CPB2: variants seen among roughly 807,000 people sequenced by gnomAD.
CPB2 encodes the protein carboxypeptidase B2, also known as carboxypeptidase B-like protein.
A neutral mutation model predicts 57.0 loss-of-function variants in CPB2; 54 were observed. The ratio of observed to expected loss-of-function variants is 0.95; its 90% CI spans 0.76 to 1.19. CPB2 has a LOEUF of 1.19. Among genes scored for constraint, CPB2 ranks in the 50% most tolerant of loss-of-function variants. CPB2 has a pLI of 0.00. For missense variants in CPB2, 426 were observed against 512.0 expected, an observed-to-expected ratio of 0.83 and a Z score of 1.62; for synonymous variants, 189 against 178.1, an observed-to-expected ratio of 1.06 and a Z score of -0.49.
chr13:46,070,092 A>G (rs892924766), intron 6 of CPB2, among the ~76,000 whole-genome samples: 1 of 152,242 alleles, frequency 6.6e-6, no homozygotes, highest in Non-Finnish European at 1.5e-5. Flanking sequence ...CATATTCAGT[A>G]GAAACCATAC....
chr13:46,076,876 T>C (rs2045030449), intron 5 of CPB2, among the ~76,000 whole-genome samples: 1 of 152,118 alleles, frequency 6.6e-6, no homozygotes, highest in Non-Finnish European at 1.5e-5. Flanking sequence ...GGAAAAATTT[T>C]ATTCATAAAA....
chr13:46,092,049 TG>T (rs2045301056), intron 1 of CPB2, among the ~76,000 whole-genome samples: 1 of 152,246 alleles, frequency 6.6e-6, no homozygotes, highest in Non-Finnish European at 1.5e-5. Context: ...TTTTTTTAAC[TG>T]AACGAGATTT....
chr13:46,101,196 A>C (rs560770194), intron 1 of CPB2: 2 of 152,304 alleles, frequency 1.3e-5, no homozygotes, highest in East Asian at 3.9e-4. Context: ...CTCACCTGTA[A>C]CTACTCAAGC....
At chr13:46,082,018 T>C (rs941283385) in intron 4 of CPB2, among the ~76,000 whole-genome samples, 2 of 152,348 alleles carry the variant, frequency 1.3e-5, no homozygotes, top group Admixed American at 6.5e-5. Context: ...CAATTAGTTA[T>C]AGTGTATTAA....
chr13:46,083,969 C>G (rs371439167), intron 3 of CPB2, among the ~76,000 whole-genome samples: 14 of 152,282 alleles, frequency 9.2e-5, no homozygotes, highest in Admixed American at 3.3e-4. Context: ...ACTATGAGAG[C>G]CTTTACCAAT....
At chr13:46,066,108 A>G (rs116443283) in intron 7 of CPB2, among the ~76,000 whole-genome samples, 11 of 151,104 alleles carry the variant, frequency 7.3e-5, no homozygotes, top group African/African-American at 2.7e-4. Flanking sequence ...TGCATAAATT[A>G]CCTCCTACAT....
rs370764906 is a variant in CPB2 at position 46,060,075 on chromosome 13, T to C, written c.797-1694A>G. On this transcript the variant is annotated intron_variant, in intron 8 of 10. Transcript: ENST00000181383. ...ACATAACCACTAAATAGAGAGGTGGTGCCCTAATATGAATCCTCAGACCAG... is the reference window on the plus strand; with the variant it reads ...ACATAACCACTAAATAGAGAGGTGGCGCCCTAATATGAATCCTCAGACCAG... 7.9e-5 allele frequency among the ~76,000 whole-genome samples: 12 copies of C among 152,176 alleles called. No homozygotes were observed. In the East Asian group the frequency reaches 1.9e-3, roughly 24 times the overall value.
At chr13:46,087,944 G>A (rs2045235628) in intron 1 of CPB2, 124 bp from the exon 2 acceptor site, 2 of 622,768 alleles carry the variant, frequency 3.2e-6, no homozygotes, top group South Asian at 4.2e-5. Flanking sequence ...TATTAGGACA[G>A]AGGATCTTAC....
chr13:46,074,440 G>A (rs1157251075), intron 5 of CPB2, among the ~76,000 whole-genome samples: 1 of 151,922 alleles, frequency 6.6e-6, no homozygotes, highest in Non-Finnish European at 1.5e-5. Flanking sequence ...TTTTTATGTG[G>A]ATTATTTCTT....
chr13:46,087,487 T>C (rs959763933), intron 2 of CPB2, among the ~76,000 whole-genome samples: 2 of 152,364 alleles, frequency 1.3e-5, no homozygotes, highest in African/African-American at 4.8e-5. Flanking sequence ...TAATTTCTGT[T>C]ACTGTAGCCT....
chr13:46,076,520 G>A lies in CPB2; in HGVS notation c.486+2280C>T, dbSNP rs147923730. On this transcript the variant is annotated intron_variant, in intron 5 of 10. Transcript: ENST00000181383. The stretch of plus-strand genomic sequence containing the variant: ...AAATGAAAAGATACCTCATGCTCAC[G>A]GGCTTAAGAATTAATATTGTTAAAA... Among the ~76,000 whole-genome samples the A allele has an allele frequency of 2.1e-3, 317 of 152,104 alleles. 2 individuals are homozygous for A. The highest frequency in any genetic ancestry group is 2.8e-3 in the Non-Finnish European group (193 of 68,016).
At chr13:46,073,715 C>T (rs1324802633) in intron 6 of CPB2, among the ~76,000 whole-genome samples, 158 bp downstream of exon 6, 2 of 150,912 alleles carry the variant, frequency 1.3e-5, no homozygotes, top group Non-Finnish European at 2.9e-5. Context: ...CTTACTAATG[C>T]ATAAAAGTCA....
At position 46,058,501 on chromosome 13, in the gene CPB2, T is replaced by G. The variant is rs2044728635; in HGVS notation, c.797-120A>C. On this transcript the variant is annotated intron_variant, in intron 8 of 10. Transcript: ENST00000181383. Reference sequence around the variant, plus strand: ...AACACTTTTAGATGAATGGATTAGGTAGGGCTCTGCAAAGAACATAGTTCC... The same window carrying G: ...AACACTTTTAGATGAATGGATTAGGGAGGGCTCTGCAAAGAACATAGTTCC... 6 of 775,246 alleles carry G rather than the reference T, an allele frequency of 7.7e-6. No individual in the cohort carries two copies. In the Admixed American group the frequency reaches 1.2e-4, roughly 15 times the overall value. 48.0% of individuals were successfully genotyped at this position (775,246 alleles called of 1,614,324 possible). A position where few individuals can be genotyped will look rare whatever the true frequency, so the allele number is the denominator to read the frequency against.
intron 2 of CPB2, among the ~76,000 whole-genome samples, chr13:46,087,162 A>C (rs2045221595): frequency 6.6e-6 from 1 of 152,168 alleles, no homozygotes; most frequent in African/African-American, 2.4e-5. Flanking sequence ...TGCAGCGGGC[A>C]GCTGCAGCTG....
intron 6 of CPB2, among the ~76,000 whole-genome samples, chr13:46,068,958 T>G (rs1043400006): frequency 2.6e-5 from 4 of 152,226 alleles, no homozygotes; most frequent in Middle Eastern, 3.2e-3. Flanking sequence ...TAGAAAAATA[T>G]TAGGAGAGCC....
At chr13:46,086,817 T>G (rs1184823529) in intron 2 of CPB2, among the ~76,000 whole-genome samples, 1 of 152,162 alleles carries the variant, frequency 6.6e-6, no homozygotes, top group African/African-American at 2.4e-5. Context: ...CCTGTGCTCG[T>G]CAGTACCCAA....
At chr13:46,073,772 A>T (rs916428457) in intron 6 of CPB2, 101 bp downstream of exon 6, 1 of 690,960 alleles carries the variant, frequency 1.4e-6, no homozygotes, top group Admixed American at 3.1e-5. Context: ...TCATGATGTG[A>T]CCTAGGAAAA....
chr13:46,059,456 T>C (rs2044741147), intron 8 of CPB2, among the ~76,000 whole-genome samples: 1 of 152,218 alleles, frequency 6.6e-6, no homozygotes, highest in African/African-American at 2.4e-5. Flanking sequence ...AATTTCCTTA[T>C]CTGCAAAATT....
intron 9 of CPB2, among the ~76,000 whole-genome samples, chr13:46,057,560 C>G (rs967758894): frequency 2.0e-5 from 3 of 152,188 alleles, no homozygotes; most frequent in Non-Finnish European, 4.4e-5. Flanking sequence ...ATCCTTGCAT[C>G]TTTTGCCATG....
Sources: gnomAD v4.1 joint callset for allele counts (sites outside exome capture counted in the v4.1 genomes callset) on GRCh38, gnomAD v4.1.1 for gene constraint, MANE v1.5 for transcripts, NCBI Gene and HGNC (gene_info 2026-07-23, HGNC 2026-07-21) for gene names.